Variants in PVT1 observed in about 807,000 individuals in gnomAD.
PVT1 encodes the protein Pvt1 oncogene, also known as CXCR4/PVT1 fusion.
chr8:128,091,331 C>T (rs1437814983), intron 5 of PVT1, among the ~76,000 whole-genome samples: 3 of 152,180 alleles, frequency 2.0e-5, no homozygotes, highest in African/African-American at 7.2e-5. Context: ...TCCCAGCTGT[C>T]GGCTAAGCCT....
chr8:128,013,832 G>A (rs1817342039), intron 4 of PVT1, among the ~76,000 whole-genome samples: 1 of 152,156 alleles, frequency 6.6e-6, no homozygotes, highest in Non-Finnish European at 1.5e-5. Flanking sequence ...CTTGTCAAAT[G>A]AATTAATGAA....
At chr8:127,962,521 G>C (rs1353540248) in intron 3 of PVT1, among the ~76,000 whole-genome samples, 1 of 152,158 alleles carries the variant, frequency 6.6e-6, no homozygotes, top group Non-Finnish European at 1.5e-5. Context: ...AGGGCTAGGG[G>C]TTACCATCCC....
At chr8:127,915,757 A>C (rs568986563) in intron 3 of PVT1, among the ~76,000 whole-genome samples, 1 of 152,336 alleles carries the variant, frequency 6.6e-6, no homozygotes, top group African/African-American at 2.4e-5. Context: ...ACAGTGTAGA[A>C]GTGGAACCAG....
rs534778377 is a variant in PVT1 at position 127,943,602 on chromosome 8, G to T, written n.783-45560G>T. Among the ~76,000 whole-genome samples the T allele has an allele frequency of 2.0e-5, 3 of 152,250 alleles. No individual in the cohort carries two copies. The South Asian group carries it at 6.2e-4, about 32-fold the overall frequency. ...CTGGATGCCAGTAGCTCTGTCAGTC[G>T]CAACCCCAGCTTCCAGTTGGGACAA... On this transcript the variant is annotated intron_variant and non_coding_transcript_variant, in intron 3 of 10. Coordinates refer to ENST00000651587, the Ensembl canonical transcript of PVT1.
intron 3 of PVT1, among the ~76,000 whole-genome samples, chr8:127,927,032 GA>G (rs1816138394): frequency 6.6e-6 from 1 of 152,198 alleles, no homozygotes; most frequent in Non-Finnish European, 1.5e-5. Flanking sequence ...GCAGAAAGGG[GA>G]AAAGGACGTG....
chr8:127,807,924 C>T lies in PVT1; in HGVS notation n.372+11853C>T, dbSNP rs6994650. On this transcript the variant is annotated intron_variant and non_coding_transcript_variant, in intron 2 of 10. Coordinates refer to ENST00000651587, the Ensembl canonical transcript of PVT1. ...CTGGGACTACAGATGCCTGCTACCA[C>T]GCCCGGTTAATTGTTTTGTATTTTT... Among the ~76,000 whole-genome samples the T allele has an allele frequency of 2.7e-4, 41 of 151,820 alleles. No homozygotes were observed. The South Asian group carries it at 7.9e-3, about 29-fold the overall frequency.
intron 2 of PVT1, among the ~76,000 whole-genome samples, chr8:127,814,328 C>T (rs1027130472): frequency 3.9e-5 from 6 of 152,190 alleles, no homozygotes; most frequent in Non-Finnish European, 5.9e-5. Context: ...GCCTGCCTGA[C>T]GCGTCAGCCG....
At chr8:127,874,373 G>A (rs1455774714) in intron 2 of PVT1, among the ~76,000 whole-genome samples, 1 of 152,154 alleles carries the variant, frequency 6.6e-6, no homozygotes, top group African/African-American at 2.4e-5. Context: ...ACAGTTAGAG[G>A]AACAGCAGGT....
At chr8:128,092,393 C>A (rs533732491) in intron 5 of PVT1, among the ~76,000 whole-genome samples, 29 of 152,310 alleles carry the variant, frequency 1.9e-4, no homozygotes, top group African/African-American at 7.0e-4. Context: ...AGCCCACCTC[C>A]CAGTGTCCAT....
At chr8:128,004,649 G>A (rs548262040) in intron 4 of PVT1, among the ~76,000 whole-genome samples, 1 of 152,316 alleles carries the variant, frequency 6.6e-6, no homozygotes, top group East Asian at 1.9e-4. Context: ...AGAAGCCTGG[G>A]CCAGGAGATA....
intron 2 of PVT1, among the ~76,000 whole-genome samples, chr8:127,823,862 C>T (rs796434510): frequency 2.6e-5 from 4 of 152,362 alleles, no homozygotes; most frequent in African/African-American, 9.6e-5. Flanking sequence ...TTGTGTTCAG[C>T]TCTCTCTTTG....
chr8:128,016,613 T>A (rs775016245), intron 4 of PVT1, among the ~76,000 whole-genome samples: 1 of 152,252 alleles, frequency 6.6e-6, no homozygotes, highest in Non-Finnish European at 1.5e-5. Flanking sequence ...AGATTGTCTT[T>A]GGTTTTGTTT....
intron 2 of PVT1, among the ~76,000 whole-genome samples, chr8:127,832,241 A>C (rs911216664): frequency 5.3e-5 from 8 of 152,108 alleles, no homozygotes. Context: ...GGAGGATCTG[A>C]ATGACATCTC....
At chr8:127,969,664 C>T (rs532529423) in intron 3 of PVT1, among the ~76,000 whole-genome samples, 1 of 152,202 alleles carries the variant, frequency 6.6e-6, no homozygotes, top group African/African-American at 2.4e-5. Flanking sequence ...CTTCTCTCAG[C>T]CCTTCCTGGG....
At chr8:127,910,319 T>G (rs1180903729) in intron 3 of PVT1, among the ~76,000 whole-genome samples, 1 of 152,220 alleles carries the variant, frequency 6.6e-6, no homozygotes, top group Non-Finnish European at 1.5e-5. Flanking sequence ...AGGTGGTTTT[T>G]GTTCCATAAT....
intron 2 of PVT1, among the ~76,000 whole-genome samples, chr8:127,826,547 G>A (rs1381833641): frequency 6.6e-6 from 1 of 152,150 alleles, no homozygotes; most frequent in Non-Finnish European, 1.5e-5. Flanking sequence ...GCTCCAGATG[G>A]TGAGTGTCTA....
intron 3 of PVT1, chr8:127,940,225 A>T (rs1383569493): frequency 6.6e-6 from 1 of 152,202 alleles, no homozygotes; most frequent in Non-Finnish European, 1.5e-5. Context: ...CCAGGCCTGG[A>T]CAGGCCAAGA....
intron 3 of PVT1, among the ~76,000 whole-genome samples, chr8:127,900,439 C>T (rs1815744151): frequency 6.6e-6 from 1 of 152,078 alleles, no homozygotes; most frequent in Admixed American, 6.6e-5. Flanking sequence ...CATACAAGTA[C>T]CTCTCCTGAA....
At chr8:127,992,110 G>T (rs1004206291) in intron 4 of PVT1, among the ~76,000 whole-genome samples, 2 of 152,066 alleles carry the variant, frequency 1.3e-5, no homozygotes, top group Admixed American at 6.6e-5. Context: ...TTCTTGCCAG[G>T]CACAGTGGCT....
Sources: gnomAD v4.1 joint callset for allele counts (sites outside exome capture counted in the v4.1 genomes callset) on GRCh38, gnomAD v4.1.1 for gene constraint, MANE v1.5 for transcripts, NCBI Gene and HGNC (gene_info 2026-07-23, HGNC 2026-07-21) for gene names.